Variants in MYO7A observed in about 807,000 individuals in gnomAD.
MYO7A encodes myosin VIIA.
Under a neutral mutation model 263.8 loss-of-function variants are expected in MYO7A, and 210 were observed. The ratio of observed to expected loss-of-function variants is 0.80; its 90% CI spans 0.71 to 0.89. The LOEUF (loss-of-function observed/expected upper bound fraction) is 0.89. MYO7A is among the 40% of genes least tolerant of loss of function. The probability of loss-of-function intolerance (pLI) is 0.00; values close to 1 mark genes in which losing one functional copy is unlikely to be tolerated. For missense variants in MYO7A, 2,820 were observed against 2,968.3 expected, an observed-to-expected ratio of 0.95 and a Z score of 1.16; for synonymous variants, 1,239 against 1,197.3, an observed-to-expected ratio of 1.03 and a Z score of -0.72.
chr11:77,156,642 C>T lies in MYO7A; in HGVS notation c.471-18C>T. Reference sequence around the variant, plus strand: ...CCCTGTGGGTTGTGACAGGTCCTGCCACTCCCTCCCTCTGCAGTGGGGAAT... The same window carrying T: ...CCCTGTGGGTTGTGACAGGTCCTGCTACTCCCTCCCTCTGCAGTGGGGAAT... On this transcript the variant is annotated intron_variant, in intron 5 of 48. Transcript: ENST00000409709. The T allele has an allele frequency of 1.2e-6, 2 of 1,612,314 alleles. No homozygotes were observed. Among genetic ancestry groups the T allele is most frequent in the Non-Finnish European group, 1.7e-6 (2 of 1,178,910 alleles).
intron 45 of MYO7A, 132 bp downstream of exon 45, chr11:77,211,469 G>T: frequency 9.6e-7 from 1 of 1,037,760 alleles, no homozygotes; most frequent in East Asian, 2.6e-5. Flanking sequence ...TGATGAGGCC[G>T]CCCACCCTTG....
At chr11:77,214,580 C>T (rs765302569) in intron 48 of MYO7A, 27 bp from the exon 49 acceptor site, 36 of 1,506,114 alleles carry the variant, frequency 2.4e-5, no homozygotes, top group African/African-American at 5.6e-5. Context: ...ACCGTGTGCT[C>T]GCTTATCTTC....
At chr11:77,154,418 G>T (rs1056553617) in intron 4 of MYO7A, among the ~76,000 whole-genome samples, 2 of 152,186 alleles carry the variant, frequency 1.3e-5, no homozygotes, top group South Asian at 4.1e-4. Context: ...GAATTCAGCA[G>T]CCCTGGGCCA....
intron 23 of MYO7A, 50 bp from the exon 24 acceptor site, chr11:77,181,901 G>T: frequency 6.4e-7 from 1 of 1,574,204 alleles, no homozygotes; most frequent in South Asian, 1.1e-5. Flanking sequence ...CCTCCCACCT[G>T]AGCTTCCTGA....
intron 22 of MYO7A, 46 bp from the exon 23 acceptor site, chr11:77,181,334 C>T: frequency 6.7e-7 from 1 of 1,502,042 alleles, no homozygotes; most frequent in South Asian, 1.3e-5. Flanking sequence ...GAGGCTGTGG[C>T]ACCGGGGGCT....
chr11:77,206,208 G>A lies in MYO7A; in HGVS notation c.5742+6G>A, dbSNP rs1957437240. The A allele has an allele frequency of 1.2e-6, 2 of 1,604,416 alleles. No homozygotes were observed. The highest frequency in any genetic ancestry group is 1.7e-6 in the Non-Finnish European group (2 of 1,173,592). ...TCCCTGATGACACTGACGAGGTGAG[G>A]GTCACCGGCTTCTAGGTCTGCAGTG... On this transcript the variant is annotated splice_donor_region_variant and intron_variant, in intron 41 of 48. Coordinates refer to ENST00000409709, the MANE Select transcript of MYO7A (RefSeq NM_000260.4).
chr11:77,142,804 G>A lies in MYO7A; in HGVS notation c.114G>A (p.Val38=). 1 of 1,608,296 alleles carries A rather than the reference G, an allele frequency of 6.2e-7. No homozygotes were observed. Among genetic ancestry groups the A allele is most frequent in the Non-Finnish European group, 8.5e-7 (1 of 1,177,600 alleles). The part of the protein sequence containing the change: ...VKLCDSGQVQ[V]VDDEDNEHWI... Reference sequence around the variant, plus strand: ...TCTGCGACTCTGGGCAGGTCCAGGTGGTGGATGATGAAGACAATGTGAGTA... The same window carrying A: ...TCTGCGACTCTGGGCAGGTCCAGGTAGTGGATGATGAAGACAATGTGAGTA... Residue 38 remains valine, a synonymous_variant, in exon 3 of 49, where the codon GTG becomes GTA. Transcript: ENST00000409709.
Position 77,203,118 on chromosome 11 carries a change from C to G in MYO7A, c.5227C>G (p.Arg1743Gly), listed in dbSNP as rs111033287. The G allele has an allele frequency of 6.5e-7, 1 of 1,549,696 alleles. No individual in the cohort carries two copies. The highest frequency in any genetic ancestry group is 2.0e-5 in the Admixed American group (1 of 51,092). The change falls in exon 38 of 49, where the codon CGG (arginine) becomes GGG (glycine). Residue 1743 changes from arginine to glycine, a missense_variant. Arg to Gly is a moderately radical substitution (Grantham distance 125). Coordinates refer to ENST00000409709, the MANE Select transcript of MYO7A (RefSeq NM_000260.4). The stretch of plus-strand genomic sequence containing the variant: ...GGTGTCCAAGGCCCGAGGCAAGGAC[C>G]GGCTGTGGAGCCACACGCGGGAACC... ...VMVSKARGKD[R>G]LWSHTREPLK...
Position 77,172,874 on chromosome 11 carries a change from A to G in MYO7A, c.1924A>G (p.Lys642Glu). Residue 642 changes from lysine to glutamate, a missense_variant, in exon 16 of 49, where the codon AAG becomes GAG. By Grantham distance (56) the Lys-to-Glu change is moderately conservative. Transcript: ENST00000409709. ...FVRCIKPNEFKKPMLFDRHLC... is the reference protein window; with the variant it reads ...FVRCIKPNEFEKPMLFDRHLC... ...GCGATGCATCAAGCCCAATGAGTTC[A>G]AGAAGCCCATGGTGAGTGGCCCTGG... The G allele has an allele frequency of 6.4e-7, 1 of 1,551,440 alleles. No homozygotes were observed. Among genetic ancestry groups the G allele is most frequent in the Non-Finnish European group, 8.7e-7 (1 of 1,146,680 alleles).
intron 15 of MYO7A, among the ~76,000 whole-genome samples, chr11:77,169,215 C>T (rs1279016492): frequency 6.6e-6 from 1 of 152,248 alleles, no homozygotes; most frequent in Non-Finnish European, 1.5e-5. Context: ...CTCCCATCAT[C>T]GGCAGATCCC....
intron 15 of MYO7A, among the ~76,000 whole-genome samples, chr11:77,172,119 G>A (rs750744938): frequency 6.6e-6 from 1 of 152,142 alleles, no homozygotes; most frequent in African/African-American, 2.4e-5. Flanking sequence ...TCCTCCTCGC[G>A]CTTGCCCACA....
chr11:77,140,853 T>C lies in MYO7A; in HGVS notation c.19-1856T>C, dbSNP rs78933633. 4.6e-3 allele frequency among the ~76,000 whole-genome samples: 703 copies of C among 152,314 alleles called. 9 individuals are homozygous for C. The highest frequency in any genetic ancestry group is 0.016 in the African/African-American group (676 of 41,574). ...ACTTTTTCTGGGAGGAAGTTTGGGT[T>C]TGGGACTAGCCTGACTCTATCATGT... On this transcript the variant is annotated intron_variant, in intron 2 of 48. Coordinates refer to ENST00000409709, the MANE Select transcript of MYO7A (RefSeq NM_000260.4).
chr11:77,192,470 G>A (rs972658848), intron 31 of MYO7A, among the ~76,000 whole-genome samples, 192 bp downstream of exon 31: 7 of 152,280 alleles, frequency 4.6e-5, no homozygotes, highest in East Asian at 1.9e-4. Flanking sequence ...GCGAGATGGC[G>A]GGAGCAAGGG....
chr11:77,204,995 G>A (rs943675319), intron 39 of MYO7A, among the ~76,000 whole-genome samples: 2 of 152,238 alleles, frequency 1.3e-5, no homozygotes, highest in Non-Finnish European at 2.9e-5. Flanking sequence ...GGCCCAAGAA[G>A]CTCAGAGTGG....
At chr11:77,196,096 C>G (rs945647090) in intron 32 of MYO7A, among the ~76,000 whole-genome samples, 1 of 152,194 alleles carries the variant, frequency 6.6e-6, no homozygotes, top group East Asian at 1.9e-4. Context: ...GGGCCAGGCG[C>G]GGTGGCTCAC....
At chr11:77,184,442 G>C in intron 26 of MYO7A, 146 bp from the exon 27 acceptor site, 1 of 688,826 alleles carries the variant, frequency 1.5e-6, no homozygotes, top group Non-Finnish European at 2.5e-6. Context: ...ACGTGGCAGG[G>C]GTAATGACAG....
intron 3 of MYO7A, among the ~76,000 whole-genome samples, chr11:77,143,550 G>A (rs909098696): frequency 1.3e-5 from 2 of 152,260 alleles, no homozygotes; most frequent in African/African-American, 2.4e-5. Flanking sequence ...GGAGAAGGTG[G>A]CTGGTTCACG....
intron 13 of MYO7A, 26 bp downstream of exon 13, chr11:77,162,356 C>A: frequency 6.5e-7 from 1 of 1,548,104 alleles, no homozygotes; most frequent in South Asian, 1.2e-5. Flanking sequence ...TGCCGCCTCC[C>A]AGGGTCTTGG....
At chr11:77,202,606 C>T (rs897577339) in intron 37 of MYO7A, among the ~76,000 whole-genome samples, 182 bp downstream of exon 37, 5 of 152,054 alleles carry the variant, frequency 3.3e-5, no homozygotes, top group Admixed American at 6.5e-5. Context: ...CTCATCTTAT[C>T]TTCCTTCCTT....
Sources: gnomAD v4.1 joint callset for allele counts (sites outside exome capture counted in the v4.1 genomes callset) on GRCh38, gnomAD v4.1.1 for gene constraint, MANE v1.5 for transcripts, NCBI Gene and HGNC (gene_info 2026-07-23, HGNC 2026-07-21) for gene names.